The following DPP6 variants were observed in gnomAD, a reference collection of about 807,000 sequenced individuals.
DPP6 encodes the protein dipeptidyl peptidase like 6.
In DPP6, 69 loss-of-function variants were observed where a neutral mutation model predicts 122.6. The observed-to-expected ratio is 0.56, with a 90% confidence interval of 0.46 to 0.69. The LOEUF is 0.69. DPP6 is among the 30% of genes least tolerant of loss of function. DPP6 has a pLI of 0.00. For missense variants in DPP6, 928 were observed against 1,116.9 expected, an observed-to-expected ratio of 0.83 and a Z score of 2.41; for synonymous variants, 418 against 433.1, an observed-to-expected ratio of 0.97 and a Z score of 0.43.
intron 17 of DPP6, among the ~76,000 whole-genome samples, chr7:154,857,246 C>G (rs1802921415): frequency 6.6e-6 from 1 of 152,218 alleles, no homozygotes; most frequent in Non-Finnish European, 1.5e-5. Flanking sequence ...GGGGTCCCAT[C>G]TTGCTCAGTG....
intron 1 of DPP6, among the ~76,000 whole-genome samples, chr7:154,097,209 C>T (rs188673893): frequency 5.3e-5 from 8 of 152,330 alleles, no homozygotes; most frequent in Admixed American, 3.9e-4. Flanking sequence ...CACAGTCAGG[C>T]GGCCACTCAG....
At chr7:154,182,732 G>A (rs947948371) in intron 1 of DPP6, among the ~76,000 whole-genome samples, 3 of 151,958 alleles carry the variant, frequency 2.0e-5, no homozygotes, top group African/African-American at 7.2e-5. Context: ...TAATATGTGA[G>A]CCAGTGCATT....
intron 1 of DPP6, among the ~76,000 whole-genome samples, chr7:154,061,661 C>G (rs1205067474): frequency 7.0e-6 from 1 of 142,694 alleles, no homozygotes; most frequent in African/African-American, 2.6e-5. Flanking sequence ...CAGAGCCAAC[C>G]CCTCTTCCCC....
At chr7:154,259,548 G>A (rs778878509) in intron 1 of DPP6, among the ~76,000 whole-genome samples, 5 of 152,170 alleles carry the variant, frequency 3.3e-5, no homozygotes, top group African/African-American at 7.2e-5. Context: ...AAGAGGTAGA[G>A]GACAGAGAGG....
At chr7:154,191,704 G>A (rs1798625555) in intron 1 of DPP6, among the ~76,000 whole-genome samples, 1 of 152,104 alleles carries the variant, frequency 6.6e-6, no homozygotes, top group Admixed American at 6.5e-5. Flanking sequence ...GGAATGCGTC[G>A]AGTCTGTTTC....
At chr7:154,630,860 A>T (rs10244016) in intron 5 of DPP6, among the ~76,000 whole-genome samples, 1 of 151,858 alleles carries the variant, frequency 6.6e-6, no homozygotes, top group Non-Finnish European at 1.5e-5. Context: ...TAGATGACAG[A>T]TTGATGGGTA....
At chr7:153,897,291 T>C (rs1489632047) in intron 1 of DPP6, among the ~76,000 whole-genome samples, 2 of 152,182 alleles carry the variant, frequency 1.3e-5, no homozygotes, top group Non-Finnish European at 2.9e-5. Context: ...TTCTTTCCAG[T>C]TGCAACTGAA....
chr7:154,654,308 G>A (rs1397239730), intron 6 of DPP6, among the ~76,000 whole-genome samples: 3 of 151,882 alleles, frequency 2.0e-5, no homozygotes, highest in East Asian at 1.9e-4. Context: ...ATTAGAGAGG[G>A]AATCTGTCAC....
At chr7:154,612,804 G>C (rs575003204) in intron 5 of DPP6, among the ~76,000 whole-genome samples, 6 of 152,166 alleles carry the variant, frequency 3.9e-5, no homozygotes, top group Non-Finnish European at 8.8e-5. Context: ...TCAACATGTG[G>C]TGTTTTCATT....
chr7:154,212,253 C>A (rs6974435), intron 1 of DPP6, among the ~76,000 whole-genome samples: 1 of 152,014 alleles, frequency 6.6e-6, no homozygotes, highest in South Asian at 2.1e-4. Context: ...CATTTCAGGA[C>A]AGTTTCCCCA....
At chr7:153,770,133 C>T in the DPP6 span, among the ~76,000 whole-genome samples, 3 of 152,058 alleles carry the variant, frequency 2.0e-5, no homozygotes, top group East Asian at 3.9e-4. Context: ...ACTCTACTGC[C>T]CCGTGTCCAT....
chr7:154,010,919 C>T (rs1798125820), intron 1 of DPP6, among the ~76,000 whole-genome samples: 1 of 152,176 alleles, frequency 6.6e-6, no homozygotes, highest in Non-Finnish European at 1.5e-5. Context: ...ACTGGTTCAT[C>T]TGGCCCCCAT....
At chr7:154,783,265 G>A (rs1343864452) in intron 10 of DPP6, among the ~76,000 whole-genome samples, 1 of 152,140 alleles carries the variant, frequency 6.6e-6, no homozygotes. Context: ...CCTGGGCGAG[G>A]GTGACAACAC....
Position 154,875,930 on chromosome 7 carries a change from T to G in DPP6, c.1908T>G (p.Ser636Arg). The G allele has an allele frequency of 6.2e-7, 1 of 1,612,320 alleles. No individual in the cohort carries two copies. The stretch of plus-strand genomic sequence containing the variant: ...GGGATGGCACCCCAGGCAGCCAGAG[T>G]GTGGCTGAGAAGTTCGAGGTGAGCT... ...LVVDGTPGSQ[S>R]VAEKFEVSWE... is the part of the protein sequence containing the mutation. The change falls in exon 20 of 26, where the codon AGT becomes AGG. Residue 636 changes from serine (S) to arginine (R), a missense_variant. Coordinates refer to ENST00000377770, the MANE Select transcript of DPP6 (RefSeq NM_130797.4). The surrounding 1 kb of genome is among the most constrained non-coding windows in gnomAD (Gnocchi z 4.5).
chr7:153,841,484 G>T, the DPP6 span, among the ~76,000 whole-genome samples: 2 of 152,180 alleles, frequency 1.3e-5, no homozygotes, highest in Admixed American at 1.3e-4. Context: ...TGTGCTGAAT[G>T]AGGCTTGAAT....
intron 1 of DPP6, among the ~76,000 whole-genome samples, chr7:154,315,524 G>C (rs559875477): frequency 1.3e-5 from 2 of 152,098 alleles, no homozygotes; most frequent in South Asian, 2.1e-4. Flanking sequence ...TGGTCACCAT[G>C]GTCCCCAGCA....
chr7:153,981,261 T>C (rs1184556917), intron 1 of DPP6, among the ~76,000 whole-genome samples: 6 of 152,244 alleles, frequency 3.9e-5, no homozygotes, highest in Non-Finnish European at 5.9e-5. Flanking sequence ...TTAGGATAGT[T>C]AGCTCTTCTT....
intron 5 of DPP6, among the ~76,000 whole-genome samples, chr7:154,591,986 A>C (rs535835713): frequency 2.0e-5 from 3 of 152,356 alleles, no homozygotes; most frequent in African/African-American, 7.2e-5. Context: ...ATGGTAGAAC[A>C]GGGGCGGCTA....
chr7:154,152,434 C>T (rs1796471819), intron 1 of DPP6, among the ~76,000 whole-genome samples: 1 of 152,184 alleles, frequency 6.6e-6, no homozygotes, highest in African/African-American at 2.4e-5. Flanking sequence ...TGAGCACCTA[C>T]AGAGCAGGCC....
Sources: allele counts gnomAD v4.1 joint callset (sites outside exome capture counted in the v4.1 genomes callset), GRCh38; gene constraint gnomAD v4.1.1; non-coding constraint Gnocchi (gnomAD v3.1); transcripts MANE v1.5; gene names NCBI Gene and HGNC (gene_info 2026-07-23, HGNC 2026-07-21).